Variants in TNRC6C observed in about 807,000 individuals in gnomAD.
The protein encoded by TNRC6C is trinucleotide repeat containing adaptor 6C.
TNRC6C carries 20 observed loss-of-function variants against 153.7 expected under a neutral mutation model. That is an observed-to-expected ratio of 0.13 (90% CI 0.09 to 0.19). The LOEUF is 0.19. Among genes scored for constraint, TNRC6C ranks in the 10% least tolerant of loss-of-function variants. TNRC6C has a pLI of 1.00. For missense variants in TNRC6C, 1,987 were observed against 2,172.0 expected (o/e 0.91, Z 1.69); for synonymous variants, 811 against 841.4 (o/e 0.96, Z 0.63).
At chr17:78,102,410 G>A (rs2073613365) in intron 17 of TNRC6C, 64 bp from the exon 21 acceptor site, 9 of 1,446,562 alleles carry the variant, frequency 6.2e-6, no homozygotes, top group Non-Finnish European at 8.5e-6. Context: ...AATAAGAAGT[G>A]GGGAGGGCCG....
intron 1 of TNRC6C, among the ~76,000 whole-genome samples, chr17:77,988,219 A>T (rs981984564): frequency 6.6e-6 from 1 of 152,132 alleles, no homozygotes; most frequent in East Asian, 1.9e-4. Flanking sequence ...ACAAAAAATT[A>T]AAAAACTAAA....
intron 1 of TNRC6C, among the ~76,000 whole-genome samples, chr17:77,987,803 C>T (rs963578351): frequency 1.2e-4 from 19 of 152,106 alleles, no homozygotes; most frequent in South Asian, 4.1e-4. Context: ...CTTCACCCTC[C>T]CAAGTAGCTG....
chr17:78,028,947 G>A lies in TNRC6C; in HGVS notation c.-545-2569G>A, dbSNP rs533509957. ...CGACTCTTGCACTTTACATGTCGGC[G>A]TGCAGAATTACTACTCGAATCACTG... On this transcript the variant is annotated intron_variant, in intron 1 of 19. Coordinates refer to ENST00000301624, the Ensembl canonical transcript of TNRC6C. 3.9e-5 allele frequency among the ~76,000 whole-genome samples: 6 copies of A among 152,312 alleles called. No individual in the cohort carries two copies. The East Asian group carries it at 9.6e-4, about 24-fold the overall frequency.
intron 11 of TNRC6C, among the ~76,000 whole-genome samples, chr17:78,086,202 C>T (rs936703007): frequency 2.6e-5 from 4 of 151,664 alleles, no homozygotes; most frequent in African/African-American, 4.8e-5. Context: ...TGGTGGCACA[C>T]GACTGCAATC....
Position 78,049,765 on chromosome 17 carries a change from C to G in TNRC6C, c.703C>G (p.Gln235Glu). The G allele has an allele frequency of 1.9e-6, 3 of 1,589,594 alleles. No individual in the cohort carries two copies. The South Asian group carries it at 3.5e-5, about 18-fold the overall frequency. The change falls in exon 3 of 20, where the codon CAA becomes GAA. Residue 235 changes from glutamine (Q) to glutamate (E), a missense_variant. Physicochemically the swap from Gln to Glu is conservative, Grantham distance 29. Coordinates refer to ENST00000301624, the Ensembl canonical transcript of TNRC6C. The surrounding 1 kb of genome is among the most constrained non-coding windows in gnomAD (Gnocchi z 4.1). The stretch of plus-strand genomic sequence containing the variant: ...TGGTGCTAATGGATCATCAGTTTCT[C>G]AAGTCAGTGGGGGCAGTGCTGAAGG...
At position 78,104,923 on chromosome 17, in the gene TNRC6C, G is replaced by C; in HGVS notation, c.*78G>C. On this transcript the variant is annotated 3_prime_UTR_variant, in exon 20 of 20. Coordinates refer to ENST00000301624, the Ensembl canonical transcript of TNRC6C. The surrounding 1 kb of genome is among the most constrained non-coding windows in gnomAD (Gnocchi z 6.2). The stretch of plus-strand genomic sequence containing the variant: ...GCTGGGCGGCCCCACAGACCCGCTG[G>C]AACCCAGCAGCGGCCGCCCTTTTGA... The C allele has an allele frequency of 7.4e-7, 1 of 1,358,672 alleles. No homozygotes were observed. 84.2% of individuals were successfully genotyped at this position (1,358,672 alleles called of 1,614,324 possible). A position where few individuals can be genotyped will look rare whatever the true frequency, so the allele number is the denominator to read the frequency against.
At chr17:78,031,095 T>G (rs920509147) in intron 1 of TNRC6C, among the ~76,000 whole-genome samples, 1 of 151,802 alleles carries the variant, frequency 6.6e-6, no homozygotes, top group Non-Finnish European at 1.5e-5. Context: ...AGTGAGACAC[T>G]GTCTCACACT....
chr17:78,034,035 G>T (rs111702015), intron 2 of TNRC6C, among the ~76,000 whole-genome samples: 1 of 151,914 alleles, frequency 6.6e-6, no homozygotes, highest in Non-Finnish European at 1.5e-5. Flanking sequence ...CATTTTCCCC[G>T]CCTACTCTCC....
Position 78,079,204 on chromosome 17 carries a change from G to A in TNRC6C, c.3211-191G>A, listed in dbSNP as rs188742003. ...GCAGAGGCTACAGTGAGCCAAGACCGCGCTACTGCACTCCAGTCTGGGTGA... is the reference window on the plus strand; with the variant it reads ...GCAGAGGCTACAGTGAGCCAAGACCACGCTACTGCACTCCAGTCTGGGTGA... On this transcript the variant is annotated intron_variant, in intron 9 of 19. Coordinates refer to ENST00000301624, the Ensembl canonical transcript of TNRC6C. This position sits in a 1 kb window ranked among gnomAD's most constrained non-coding sequence, Gnocchi z 4.3. 6.4e-4 allele frequency among the ~76,000 whole-genome samples: 97 copies of A among 152,112 alleles called. No homozygotes were observed. The highest frequency in any genetic ancestry group is 2.2e-3 in the Admixed American group (34 of 15,270).
upstream of TNRC6C, among the ~76,000 whole-genome samples, chr17:78,003,615 A>G (rs1342411810): frequency 6.6e-6 from 1 of 152,246 alleles, no homozygotes; most frequent in Non-Finnish European, 1.5e-5. Context: ...AAGAGATTCA[A>G]TATGTTGTTA....
chr17:78,086,473 T>C, intron 11 of TNRC6C, 30 bp from the exon 14 acceptor site: 4 of 1,594,952 alleles, frequency 2.5e-6, no homozygotes, highest in Non-Finnish European at 3.4e-6. Flanking sequence ...TTAATTATCA[T>C]ACTATTTTAA....
At chr17:78,038,609 G>A (rs1006863178) in intron 2 of TNRC6C, among the ~76,000 whole-genome samples, 13 of 151,436 alleles carry the variant, frequency 8.6e-5, no homozygotes, top group African/African-American at 3.2e-4. Flanking sequence ...AACCCGGGAG[G>A]CGGAGCTTGC....
At chr17:78,098,493 C>A (rs372894604) in exon 17 of TNRC6C, 1 of 1,613,894 alleles carries the variant, frequency 6.2e-7, no homozygotes, top group East Asian at 2.2e-5. Context: ...CCCTCCTCCA[C>A]CTGGGGTGCC....
At chr17:78,047,890 A>G (rs1011526467) in intron 2 of TNRC6C, among the ~76,000 whole-genome samples, 66 of 152,340 alleles carry the variant, frequency 4.3e-4, no homozygotes, top group African/African-American at 1.4e-3. Context: ...TTTGACTGCA[A>G]TGTTGGAAAT....
At chr17:77,998,139 C>T (rs918634815) in intron 1 of TNRC6C, among the ~76,000 whole-genome samples, 4 of 152,126 alleles carry the variant, frequency 2.6e-5, no homozygotes, top group African/African-American at 9.7e-5. Context: ...AACAAAACAA[C>T]TCCCTTGCAC....
At chr17:78,031,971 A>G (rs1598712180) in intron 2 of TNRC6C, 129 bp downstream of exon 4, 11 of 777,102 alleles carry the variant, frequency 1.4e-5, no homozygotes, top group Middle Eastern at 8.5e-4. Flanking sequence ...AGACAAATTC[A>G]TTTCATTTTA....
At chr17:78,011,907 T>C (rs1424180836) in intron 1 of TNRC6C, 1 of 152,268 alleles carries the variant, frequency 6.6e-6, no homozygotes, top group Non-Finnish European at 1.5e-5. Flanking sequence ...ATGACTAATG[T>C]GGCACTTTAT....
chr17:78,072,335 G>A (rs1367034760), intron 6 of TNRC6C, among the ~76,000 whole-genome samples: 1 of 152,214 alleles, frequency 6.6e-6, no homozygotes, highest in Non-Finnish European at 1.5e-5. Context: ...TACTTGTTTT[G>A]TTTTTCTGTT....
chr17:78,032,678 C>T (rs1223649964), intron 2 of TNRC6C, among the ~76,000 whole-genome samples: 6 of 152,118 alleles, frequency 3.9e-5, no homozygotes, highest in African/African-American at 9.7e-5. Flanking sequence ...TGCAAGGAGG[C>T]TTCTTAGATT....
Sources: gnomAD v4.1 joint callset for allele counts (sites outside exome capture counted in the v4.1 genomes callset) on GRCh38, gnomAD v4.1.1 for gene constraint, Gnocchi (gnomAD v3.1) non-coding constraint, MANE v1.5 for transcripts, NCBI Gene and HGNC (gene_info 2026-07-23, HGNC 2026-07-21) for gene names.